The following CRHBP variants were observed in gnomAD, a reference collection of about 807,000 sequenced individuals.
The protein encoded by CRHBP is corticotropin releasing hormone binding protein, also known as corticotropin-releasing hormone-binding protein.
A neutral mutation model predicts 34.9 loss-of-function variants in CRHBP; 19 were observed. The observed-to-expected ratio is 0.55, with a 90% confidence interval of 0.38 to 0.80. CRHBP has a LOEUF of 0.80. CRHBP is among the 30% of genes least tolerant of loss of function. The probability of loss-of-function intolerance (pLI) is 0.00; values close to 1 mark genes in which losing one functional copy is unlikely to be tolerated. For missense variants in CRHBP, 328 were observed against 409.2 expected (o/e 0.80, Z 1.71); for synonymous variants, 154 against 153.4 (o/e 1.00, Z -0.03).
At chr5:76,966,442 C>T (rs1474203827) in intron 6 of CRHBP, among the ~76,000 whole-genome samples, 1 of 152,200 alleles carries the variant, frequency 6.6e-6, no homozygotes, top group Admixed American at 6.5e-5. Flanking sequence ...GTACAAGGCA[C>T]TCTCCCTTTC....
At chr5:76,969,800 C>A (rs748901597), downstream of CRHBP, among the ~76,000 whole-genome samples, 1 of 152,116 alleles carries the variant, frequency 6.6e-6, no homozygotes, top group Non-Finnish European at 1.5e-5. Context: ...TTGCAGAAAT[C>A]TGAATACTTC....
At chr5:76,976,019 G>T (rs10040968) in intron 2 of CRHBP, among the ~76,000 whole-genome samples, 35,954 of 148,404 alleles carry the variant, frequency 0.24, 4,836 homozygotes, top group East Asian at 0.38. Context: ...GATCAACTCT[G>T]CCTTCTGCTC....
intron 5 of CRHBP, among the ~76,000 whole-genome samples, chr5:76,960,701 C>T (rs76238449): frequency 0.012 from 1,788 of 152,186 alleles, 46 homozygotes; most frequent in African/African-American, 0.041. Flanking sequence ...CAATTTTGCA[C>T]ATTGAGTTGG....
At position 76,969,024 on chromosome 5, in the gene CRHBP, CACACACAT is replaced by C; in HGVS notation, c.*147_*154del. ...CCTTGAGCGCACGCGCGCACACACA[CACACACAT>C]ACACACACGCATTAATTTTTGTACT... On this transcript the variant is annotated 3_prime_UTR_variant, in exon 7 of 7. Coordinates refer to ENST00000274368, the MANE Select transcript of CRHBP (RefSeq NM_001882.4). 2.6e-6 allele frequency: 2 copies of C among 761,384 alleles called. No individual in the cohort carries two copies. Among genetic ancestry groups the C allele is most frequent in the East Asian group, 2.9e-5 (1 of 33,944 alleles). 47.2% of individuals were successfully genotyped at this position (761,384 alleles called of 1,614,324 possible). A position where few individuals can be genotyped will look rare whatever the true frequency, so the allele number is the denominator to read the frequency against.
chr5:76,971,091 G>T (rs569712194), downstream of CRHBP, among the ~76,000 whole-genome samples: 2 of 152,272 alleles, frequency 1.3e-5, no homozygotes, highest in East Asian at 1.9e-4. Flanking sequence ...GTCTTCATTG[G>T]TATATCCATC....
At chr5:76,975,833 TA>T (rs1746020996) in intron 2 of CRHBP, among the ~76,000 whole-genome samples, 2 of 86,518 alleles carry the variant, frequency 2.3e-5, no homozygotes, top group African/African-American at 1.3e-4. Flanking sequence ...AAAATATATA[TA>T]TATATATATA....
At chr5:76,975,825 A>AAAAAAAAAAATATATATATATATAT in intron 2 of CRHBP, among the ~76,000 whole-genome samples, 2 of 61,846 alleles carry the variant, frequency 3.2e-5, no homozygotes, top group African/African-American at 9.1e-5. Flanking sequence ...AAAAAAAAAA[A>AAAAAAAAAAATATATATATATATAT]ATATATATAT....
At position 76,967,185 on chromosome 5, in the gene CRHBP, C is replaced by T. The variant is rs538288714; in HGVS notation, c.812-1543C>T. 7.2e-5 allele frequency among the ~76,000 whole-genome samples: 11 copies of T among 151,876 alleles called. No individual in the cohort carries two copies. In the South Asian group the frequency reaches 1.7e-3, roughly 23 times the overall value. On this transcript the variant is annotated intron_variant, in intron 6 of 6. Transcript: ENST00000274368. ...TGAACCTGGGAGGCAGAGGTTGCAG[C>T]GAGCCAAGATGGCACCACTGCACTC...
At chr5:76,954,497 C>A (rs1745635379) in intron 3 of CRHBP, among the ~76,000 whole-genome samples, 1 of 132,724 alleles carries the variant, frequency 7.5e-6, no homozygotes, top group Non-Finnish European at 1.7e-5. Flanking sequence ...CTTGAACTCG[C>A]AGCGCGGAAC....
downstream of CRHBP, among the ~76,000 whole-genome samples, chr5:76,970,818 G>A (rs1319153829): frequency 2.0e-5 from 3 of 152,190 alleles, no homozygotes; most frequent in Non-Finnish European, 4.4e-5. Context: ...AAGGGATTTT[G>A]CAAGCTGATT....
In CRHBP at chr5:76,968,425, C is replaced by T. The variant is rs531757014; in HGVS notation, c.812-303C>T. 3.9e-5 allele frequency among the ~76,000 whole-genome samples: 6 copies of T among 152,106 alleles called. No individual in the cohort carries two copies. The East Asian group carries it at 7.7e-4, about 20-fold the overall frequency. On this transcript the variant is annotated intron_variant, in intron 6 of 6. Transcript: ENST00000274368. ...CCTTTGCCTGCCTTTACTACTTAGG[C>T]TTTGCAGGCAAAAAAGGCCGAGGAG...
chr5:76,954,307 A>G (rs1382368005), intron 3 of CRHBP, 121 bp downstream of exon 3: 10 of 1,202,282 alleles, frequency 8.3e-6, no homozygotes, highest in African/African-American at 1.5e-5. Context: ...CTTCTTAGAC[A>G]CTTCGCTGGT....
chr5:76,956,658 A>T (rs1330227251), intron 4 of CRHBP, among the ~76,000 whole-genome samples: 1 of 151,692 alleles, frequency 6.6e-6, no homozygotes, highest in Admixed American at 6.6e-5. Flanking sequence ...TGGGAGGTGG[A>T]GCTTGCAGTG....
At chr5:76,980,643 A>G (rs2150713152) in intron 3 of CRHBP, among the ~76,000 whole-genome samples, 1 of 152,332 alleles carries the variant, frequency 6.6e-6, no homozygotes, top group South Asian at 2.1e-4. Flanking sequence ...CAATTTTCAG[A>G]TGAGATTAAC....
chr5:76,959,341 A>G (rs920295150), intron 5 of CRHBP, among the ~76,000 whole-genome samples: 3 of 152,390 alleles, frequency 2.0e-5, no homozygotes, highest in Admixed American at 6.5e-5. Context: ...GTAGCATAAA[A>G]TACAAAATTG....
chr5:76,972,423 C>G (rs1745960507), downstream of CRHBP, among the ~76,000 whole-genome samples: 1 of 152,014 alleles, frequency 6.6e-6, no homozygotes, highest in South Asian at 2.1e-4. Context: ...TCGCCTGAAC[C>G]CGGGAGGCGG....
At chr5:76,975,892 G>A (rs554688380) in intron 2 of CRHBP, among the ~76,000 whole-genome samples, 15 of 124,260 alleles carry the variant, frequency 1.2e-4, no homozygotes, top group African/African-American at 3.9e-4. Flanking sequence ...ATATACACAC[G>A]TGTATATATG....
At chr5:76,966,661 C>T (rs868123273) in intron 6 of CRHBP, among the ~76,000 whole-genome samples, 1 of 152,058 alleles carries the variant, frequency 6.6e-6, no homozygotes, top group Non-Finnish European at 1.5e-5. Flanking sequence ...AGTTTCCCTG[C>T]CACCAGGCCT....
chr5:76,956,857 C>T (rs1561264928), intron 4 of CRHBP, among the ~76,000 whole-genome samples: 1 of 152,284 alleles, frequency 6.6e-6, no homozygotes, highest in Middle Eastern at 3.4e-3. Context: ...GGTAACACTT[C>T]ATGCGGCTGA....
Sources: allele counts gnomAD v4.1 joint callset (sites outside exome capture counted in the v4.1 genomes callset), GRCh38; gene constraint gnomAD v4.1.1; transcripts MANE v1.5; gene names NCBI Gene and HGNC (gene_info 2026-07-23, HGNC 2026-07-21).